KCNA2: variants seen among roughly 807,000 people sequenced by gnomAD.
The protein encoded by KCNA2 is potassium voltage-gated channel subfamily A member 2.
KCNA2 carries 11 observed loss-of-function variants against 33.4 expected under a neutral mutation model. The ratio of observed to expected loss-of-function variants is 0.33; its 90% CI spans 0.21 to 0.55. The LOEUF (loss-of-function observed/expected upper bound fraction) is 0.55, where lower values mean the gene tolerates loss of function less well. KCNA2 is among the 20% of genes least tolerant of loss of function. The pLI is 0.93. For synonymous variants in KCNA2, 222 were observed against 231.3 expected (o/e 0.96, Z 0.37); for missense variants, 291 against 621.6 (o/e 0.47, Z 5.66).
chr1:110,603,788 A>G lies in KCNA2; in HGVS notation c.995T>C (p.Ile332Thr). Residue 332 changes from isoleucine (I) to threonine (T), a missense_variant, in exon 3 of 3, where the codon ATA becomes ACA. Ile to Thr is a moderately conservative substitution (Grantham distance 89, BLOSUM62 -1). Coordinates refer to ENST00000316361, the MANE Select transcript of KCNA2 (RefSeq NM_004974.4). This position sits in a 1 kb window ranked among gnomAD's most constrained non-coding sequence, Gnocchi z 5.7. ...GATGACCCCTATGAAGAGAAAGAATATCAGGAGGCCCAATTCTCTCATGCT... is the reference window on the plus strand; with the variant it reads ...GATGACCCCTATGAAGAGAAAGAATGTCAGGAGGCCCAATTCTCTCATGCT... ...KASMRELGLL[I>T]FFLFIGVILF... 1 of 1,614,066 alleles carries G rather than the reference A, an allele frequency of 6.2e-7. No homozygotes were observed. Among genetic ancestry groups the G allele is most frequent in the Non-Finnish European group, 8.5e-7 (1 of 1,180,040 alleles).
upstream of KCNA2, among the ~76,000 whole-genome samples, chr1:110,609,106 T>C (rs1223854645): frequency 6.6e-6 from 1 of 152,112 alleles, no homozygotes; most frequent in Non-Finnish European, 1.5e-5. Context: ...CTTCCCTATA[T>C]ACTCCTTCTG....
At position 110,593,916 on chromosome 1, in the gene KCNA2, T is replaced by G; in HGVS notation, c.*9367A>C. The G allele has an allele frequency of 5.8e-6, 9 of 1,550,052 alleles. No homozygotes were observed. Among genetic ancestry groups the G allele is most frequent in the Non-Finnish European group, 7.8e-6 (9 of 1,146,786 alleles). ...TATCAATACATCCTGTGCAATGTAG[T>G]TACAGCTGGTGTCTAAATTTTCAAG... On this transcript the variant is annotated 3_prime_UTR_variant, in exon 3 of 3. Coordinates refer to ENST00000316361, the MANE Select transcript of KCNA2 (RefSeq NM_004974.4).
In KCNA2 at chr1:110,600,505, G is replaced by A. The variant is rs1244037514; in HGVS notation, c.*2778C>T. 1 of 984,802 alleles carries A rather than the reference G, an allele frequency of 1.0e-6. No individual in the cohort carries two copies. The highest frequency in any genetic ancestry group is 1.8e-5 in the African/African-American group (1 of 57,066). 61.0% of individuals were successfully genotyped at this position (984,802 alleles called of 1,614,324 possible). On this transcript the variant is annotated 3_prime_UTR_variant, in exon 3 of 3. Coordinates refer to ENST00000316361, the MANE Select transcript of KCNA2 (RefSeq NM_004974.4). Reference sequence around the variant, plus strand: ...ATACAATTATAACCATATATCTTCTGTGTTTGCTTTTATGTTAACCTGGTC... The same window carrying A: ...ATACAATTATAACCATATATCTTCTATGTTTGCTTTTATGTTAACCTGGTC...
Position 110,604,983 on chromosome 1 carries a change from A to G in KCNA2, c.-163-38T>C, listed in dbSNP as rs1443111970. On this transcript the variant is annotated intron_variant, in intron 2 of 2. Coordinates refer to ENST00000316361, the MANE Select transcript of KCNA2 (RefSeq NM_004974.4). The surrounding 1 kb of genome is among the most constrained non-coding windows in gnomAD (Gnocchi z 7.6). Reference sequence around the variant, plus strand: ...GGCAGTTATTGACATGAGGCTACTCAGCATTGGCAGCCTGACCTGGGTTGC... The same window carrying G: ...GGCAGTTATTGACATGAGGCTACTCGGCATTGGCAGCCTGACCTGGGTTGC... 1.8e-6 allele frequency: 1 copy of G among 567,672 alleles called. No individual in the cohort carries two copies. Among genetic ancestry groups the G allele is most frequent in the East Asian group, 3.0e-5 (1 of 33,808 alleles). The allele number at this position is 567,672 out of a possible 1,614,324, so 35.2% of individuals were successfully genotyped here.
intron 1 of KCNA2, among the ~76,000 whole-genome samples, chr1:110,612,222 A>G (rs529657435): frequency 6.6e-6 from 1 of 152,332 alleles, no homozygotes; most frequent in East Asian, 1.9e-4. Flanking sequence ...CGATGGAGAC[A>G]CATCCTGAGA....
rs1427632723 is a variant in KCNA2, at chr1:110,602,180, A to G, written c.*1103T>C. 6.5e-7 allele frequency: 1 copy of G among 1,550,360 alleles called. No homozygotes were observed. Among genetic ancestry groups the G allele is most frequent in the Non-Finnish European group, 8.7e-7 (1 of 1,146,978 alleles). On this transcript the variant is annotated 3_prime_UTR_variant, in exon 3 of 3. Transcript: ENST00000316361. ...GCAGAGGTCTGCGTTCCTGTTTAGA[A>G]GAACAGGGATAGGTAGGCTGGGGGG...
chr1:110,598,294 T>C lies in KCNA2; in HGVS notation c.*4989A>G. On this transcript the variant is annotated 3_prime_UTR_variant, in exon 3 of 3. Coordinates refer to ENST00000316361, the MANE Select transcript of KCNA2 (RefSeq NM_004974.4). Reference sequence around the variant, plus strand: ...CAGAGCTCAGCACCATCATCCCCTCTCTTGAGTAAACAAGTCAAAGCACTG... The same window carrying C: ...CAGAGCTCAGCACCATCATCCCCTCCCTTGAGTAAACAAGTCAAAGCACTG... The C allele has an allele frequency of 6.2e-6, 5 of 804,748 alleles. No homozygotes were observed. The highest frequency in any genetic ancestry group is 7.5e-6 in the Non-Finnish European group (5 of 665,214). 49.9% of individuals were successfully genotyped at this position (804,748 alleles called of 1,614,324 possible).
At position 110,603,661 on chromosome 1, in the gene KCNA2, A is replaced by G. The variant is rs373067199; in HGVS notation, c.1122T>C (p.Thr374=). 1.2e-5 allele frequency: 19 copies of G among 1,614,126 alleles called. No homozygotes were observed. Among genetic ancestry groups the G allele is most frequent in the Non-Finnish European group, 1.5e-5 (18 of 1,180,036 alleles). ...AFWWAVVSMT[T]VGYGDMVPTT... Reference sequence around the variant, plus strand: ...TCGGAACCATGTCTCCATAGCCTACAGTTGTCATGGAGACGACTGCCCACC... The same window carrying G: ...TCGGAACCATGTCTCCATAGCCTACGGTTGTCATGGAGACGACTGCCCACC... Residue 374 remains threonine, a synonymous_variant, in exon 3 of 3, where the codon ACT becomes ACC. Transcript: ENST00000316361. This position sits in a 1 kb window ranked among gnomAD's most constrained non-coding sequence, Gnocchi z 5.7.
At position 110,593,764 on chromosome 1, in the gene KCNA2, C is replaced by T; in HGVS notation, c.*9519G>A. On this transcript the variant is annotated 3_prime_UTR_variant, in exon 3 of 3. Coordinates refer to ENST00000316361, the MANE Select transcript of KCNA2 (RefSeq NM_004974.4). ...ATGTTCATTGAGGCACATATGTACA[C>T]ATATATGTATAACCTATGTACAAAT... 1.8e-6 allele frequency: 2 copies of T among 1,114,258 alleles called. No homozygotes were observed. Among genetic ancestry groups the T allele is most frequent in the Admixed American group, 2.3e-5 (1 of 42,668 alleles). 69.0% of individuals were successfully genotyped at this position (1,114,258 alleles called of 1,614,324 possible).
At chr1:110,612,040 A>T (rs1255547611) in intron 1 of KCNA2, among the ~76,000 whole-genome samples, 3 of 152,080 alleles carry the variant, frequency 2.0e-5, no homozygotes, top group South Asian at 2.1e-4. Context: ...ATAAATAAAT[A>T]AAATAAAAGA....
At chr1:110,618,294 G>T (rs1276299866) in intron 1 of KCNA2, among the ~76,000 whole-genome samples, 1 of 152,228 alleles carries the variant, frequency 6.6e-6, no homozygotes, top group Non-Finnish European at 1.5e-5. Context: ...TTACAGTGAG[G>T]TATGATCGTG....
intron 1 of KCNA2, among the ~76,000 whole-genome samples, chr1:110,616,336 C>T (rs1249372658): frequency 1.3e-5 from 2 of 152,138 alleles, no homozygotes; most frequent in Non-Finnish European, 2.9e-5. Flanking sequence ...GGTCAGGGGC[C>T]GTGGCAGTTG....
chr1:110,618,871 C>T (rs987448720), intron 1 of KCNA2, among the ~76,000 whole-genome samples: 3 of 152,182 alleles, frequency 2.0e-5, no homozygotes, highest in Admixed American at 6.5e-5. Context: ...TTCCGGCAGG[C>T]GAAGCAAACC....
In KCNA2 at chr1:110,594,613, A is replaced by G. The variant is rs774576163; in HGVS notation, c.*8670T>C. On this transcript the variant is annotated 3_prime_UTR_variant, in exon 3 of 3. Coordinates refer to ENST00000316361, the MANE Select transcript of KCNA2 (RefSeq NM_004974.4). ...TTGCTCAGCAGGCTAGAGCTTGATC[A>G]TGGGACTTTCCAGCTTCCTGGGGCC... The G allele has an allele frequency of 2.0e-6, 2 of 985,380 alleles. No individual in the cohort carries two copies. Among genetic ancestry groups the G allele is most frequent in the Non-Finnish European group, 1.2e-6 (1 of 829,940 alleles). 61.0% of individuals were successfully genotyped at this position (985,380 alleles called of 1,614,324 possible). A position where few individuals can be genotyped will look rare whatever the true frequency, so the allele number is the denominator to read the frequency against.
chr1:110,615,786 C>G (rs1253487262), intron 1 of KCNA2, among the ~76,000 whole-genome samples: 1 of 152,160 alleles, frequency 6.6e-6, no homozygotes, highest in Non-Finnish European at 1.5e-5. Flanking sequence ...TGGAAGAGAG[C>G]CTGGGGCACA....
chr1:110,612,609 G>A (rs1649912124), intron 1 of KCNA2, among the ~76,000 whole-genome samples: 1 of 152,110 alleles, frequency 6.6e-6, no homozygotes, highest in South Asian at 2.1e-4. Flanking sequence ...ACCCCTGTTG[G>A]TCCTGTCTTC....
rs764765361 is a variant in KCNA2 at position 110,598,178 on chromosome 1, G to A, written c.*5105C>T. On this transcript the variant is annotated 3_prime_UTR_variant, in exon 3 of 3. Coordinates refer to ENST00000316361, the MANE Select transcript of KCNA2 (RefSeq NM_004974.4). ...GGAACCTCCATTGTGCAACCAAGGA[G>A]CACCATGGATATTATAGCCCTCGCA... 9.4e-6 allele frequency: 6 copies of A among 638,270 alleles called. No homozygotes were observed. The highest frequency in any genetic ancestry group is 1.2e-5 in the Non-Finnish European group (6 of 513,126). 39.5% of individuals were successfully genotyped at this position (638,270 alleles called of 1,614,324 possible). A position where few individuals can be genotyped will look rare whatever the true frequency, so the allele number is the denominator to read the frequency against.
chr1:110,611,018 G>GAGGAAGGAAGGAAGGAAAGAAGGA (rs1401332133), upstream of KCNA2, among the ~76,000 whole-genome samples: 2 of 144,142 alleles, frequency 1.4e-5, no homozygotes, highest in African/African-American at 5.2e-5. Flanking sequence ...AAGACAGAAT[G>GAGGAAGGAAGGAAGGAAAGAAGGA]AGGAAGGAAG....
chr1:110,602,161 G>T lies in KCNA2; in HGVS notation c.*1122C>A. On this transcript the variant is annotated 3_prime_UTR_variant, in exon 3 of 3. Transcript: ENST00000316361. ...CGCTTACTCTTCTGGCTTTGCAGAG[G>T]TCTGCGTTCCTGTTTAGAAGAACAG... 1 of 1,550,500 alleles carries T rather than the reference G, an allele frequency of 6.4e-7. No homozygotes were observed. The highest frequency in any genetic ancestry group is 8.7e-7 in the Non-Finnish European group (1 of 1,146,990).
Sources: gnomAD v4.1 joint callset for allele counts (sites outside exome capture counted in the v4.1 genomes callset) on GRCh38, gnomAD v4.1.1 for gene constraint, Gnocchi (gnomAD v3.1) non-coding constraint, MANE v1.5 for transcripts, NCBI Gene and HGNC (gene_info 2026-07-23, HGNC 2026-07-21) for gene names.